UNC13C: variants seen among roughly 807,000 people sequenced by gnomAD.
The protein encoded by UNC13C is protein unc-13 homolog C.
In UNC13C, 174 loss-of-function variants were observed where a neutral mutation model predicts 245.4. The ratio of observed to expected loss-of-function variants is 0.71; its 90% CI spans 0.63 to 0.80. UNC13C has a LOEUF of 0.80. Ranked by LOEUF, UNC13C falls within the 30% of genes least tolerant of loss-of-function variation. UNC13C has a pLI of 0.00. For missense variants in UNC13C, 2,829 were observed against 2,602.9 expected (o/e 1.09, Z -1.89); for synonymous variants, 992 against 895.1 (o/e 1.11, Z -1.93).
At chr15:54,299,721 C>G (rs927082146) in intron 12 of UNC13C, among the ~76,000 whole-genome samples, 1 of 152,116 alleles carries the variant, frequency 6.6e-6, no homozygotes, top group African/African-American at 2.4e-5. Flanking sequence ...GTATCATTTG[C>G]ATCAGGGAGT....
chr15:53,895,530 T>C, the UNC13C span, among the ~76,000 whole-genome samples: 133 of 152,186 alleles, frequency 8.7e-4, no homozygotes, highest in African/African-American at 3.1e-3. Context: ...TTTCAGACTG[T>C]TTTAATAAAC....
At chr15:54,632,045 A>C (rs1221178904), downstream of UNC13C, 1 of 152,202 alleles carries the variant, frequency 6.6e-6, no homozygotes, top group East Asian at 1.9e-4. Flanking sequence ...TATACACAAA[A>C]TAGCATCTCA....
At chr15:54,089,924 G>C (rs1899470797) in intron 2 of UNC13C, among the ~76,000 whole-genome samples, 1 of 152,152 alleles carries the variant, frequency 6.6e-6, no homozygotes, top group South Asian at 2.1e-4. Context: ...CTTCCAATGT[G>C]CTGCTTCGGT....
chr15:54,109,277 TCCCCTCCCCTCCCCTCCCTTC>T (rs1900631639), intron 2 of UNC13C, among the ~76,000 whole-genome samples: 35 of 43,308 alleles, frequency 8.1e-4, no homozygotes, highest in South Asian at 2.7e-3. Flanking sequence ...TCTCCTCCCC[TCCCCTCCCCTCCCCTCCCTTC>T]CCCTCCCCTC....
At chr15:54,050,517 T>C in intron 2 of UNC13C, 2 of 500,916 alleles carry the variant, frequency 4.0e-6, no homozygotes, top group African/African-American at 2.0e-5. Context: ...CAATTGTAAC[T>C]AATGCTGTTG....
the UNC13C span, among the ~76,000 whole-genome samples, chr15:53,950,086 G>A: frequency 1.3e-5 from 2 of 152,060 alleles, no homozygotes; most frequent in Admixed American, 6.5e-5. Flanking sequence ...AGTACATGTT[G>A]GGGGAAAAAT....
chr15:54,392,924 A>C, intron 17 of UNC13C, 124 bp from the exon 18 acceptor site: 1 of 1,149,124 alleles, frequency 8.7e-7, no homozygotes, highest in South Asian at 2.3e-5. Context: ...AACAGCTTTG[A>C]CTCCCATAAT....
chr15:54,511,779 A>C lies in UNC13C; in HGVS notation c.5406A>C (p.Gln1802His). 6.2e-7 allele frequency: 1 copy of C among 1,609,930 alleles called. No individual in the cohort carries two copies. The highest frequency in any genetic ancestry group is 2.2e-5 in the East Asian group (1 of 44,682). ...NVPCILMNNI[Q>H]QLRVQLEKMF... Reference sequence around the variant, plus strand: ...CCTGTATCTTGATGAACAATATTCAACAATTGCGGGTCCAGCTGGAAAAAA... The same window carrying C: ...CCTGTATCTTGATGAACAATATTCACCAATTGCGGGTCCAGCTGGAAAAAA... The change falls in exon 24 of 33, where the codon CAA becomes CAC. Residue 1802 changes from glutamine to histidine, a missense_variant. Gln to His is a conservative substitution (Grantham distance 24). Transcript: ENST00000260323.
intron 26 of UNC13C, among the ~76,000 whole-genome samples, chr15:54,535,309 A>G (rs1443510948): frequency 6.6e-6 from 1 of 152,176 alleles, no homozygotes; most frequent in Non-Finnish European, 1.5e-5. Flanking sequence ...CAATTCAACA[A>G]GACTTAGCTA....
intron 2 of UNC13C, among the ~76,000 whole-genome samples, chr15:54,076,265 C>T (rs111713591): frequency 2.5e-5 from 3 of 121,372 alleles, no homozygotes; most frequent in African/African-American, 9.3e-5. Flanking sequence ...CCCCTCCCCC[C>T]ACCCCACCAC....
Position 54,015,587 on chromosome 15 carries a change from T to C in UNC13C, c.2684T>C (p.Ile895Thr). The C allele has an allele frequency of 6.2e-7, 1 of 1,613,814 alleles. No individual in the cohort carries two copies. The highest frequency in any genetic ancestry group is 2.2e-5 in the East Asian group (1 of 44,854). ...VLAKLENRTS[I>T]TETDEQMQAY... is the part of the protein sequence containing the mutation. The stretch of plus-strand genomic sequence containing the variant: ...GCTAAACTAGAAAACAGGACTAGTA[T>C]TACTGAAACAGATGAACAAATGCAA... Residue 895 changes from isoleucine (I) to threonine (T), a missense_variant, in exon 2 of 33, where the codon ATT becomes ACT. Transcript: ENST00000260323.
At position 53,982,408 on chromosome 15, in the gene UNC13C, T is replaced by C. The variant is rs79173422; in HGVS notation, c.-257+3481T>C. On this transcript the variant is annotated intron_variant, in intron 1 of 32. Transcript: ENST00000260323. The stretch of plus-strand genomic sequence containing the variant: ...AATATAAAAGAAAAAGAGCAGTGAT[T>C]GGACAGAGTGGGTGGCTATTTCCTT... Among the ~76,000 whole-genome samples, 887 of 150,950 alleles carry C rather than the reference T, an allele frequency of 5.9e-3. 13 individuals are homozygous for C. The highest frequency in any genetic ancestry group is 0.021 in the African/African-American group (855 of 41,254).
chr15:54,542,182 A>G (rs1896276233), intron 26 of UNC13C, among the ~76,000 whole-genome samples: 1 of 152,096 alleles, frequency 6.6e-6, no homozygotes, highest in Non-Finnish European at 1.5e-5. Context: ...AAGATATTTT[A>G]CTTTGTGTGC....
chr15:53,937,644 G>A, the UNC13C span, among the ~76,000 whole-genome samples: 1 of 152,102 alleles, frequency 6.6e-6, no homozygotes, highest in Admixed American at 6.5e-5. Flanking sequence ...GAAAGGCCAG[G>A]TCACCTACAA....
At chr15:54,311,712 C>T (rs943535780) in intron 13 of UNC13C, among the ~76,000 whole-genome samples, 9 of 151,652 alleles carry the variant, frequency 5.9e-5, no homozygotes, top group Non-Finnish European at 1.2e-4. Flanking sequence ...GAGGCATGTA[C>T]TCCTAACTAG....
chr15:54,232,529 T>A (rs1391105009), intron 4 of UNC13C, among the ~76,000 whole-genome samples: 1 of 152,120 alleles, frequency 6.6e-6, no homozygotes, highest in East Asian at 1.9e-4. Context: ...AAAATTTGAA[T>A]TAAGTTTCAT....
chr15:54,189,968 G>A (rs865981898), intron 4 of UNC13C, among the ~76,000 whole-genome samples: 20 of 152,174 alleles, frequency 1.3e-4, no homozygotes, highest in African/African-American at 4.8e-4. Context: ...TAGGTCAACA[G>A]TCCTAATTTT....
In UNC13C at chr15:54,626,994, T is replaced by C; in HGVS notation, c.6526T>C (p.Ser2176Pro). 2 of 1,613,466 alleles carry C rather than the reference T, an allele frequency of 1.2e-6. No individual in the cohort carries two copies. Among genetic ancestry groups the C allele is most frequent in the Non-Finnish European group, 1.7e-6 (2 of 1,179,594 alleles). ...ATGGTATCCTCTTCTGAAAAATATC[T>C]CTATGGATGAAACTGGTTTGACTAT... ...GAWYPLLKNI[S>P]MDETGLTILR... The change falls in exon 33 of 33, where the codon TCT becomes CCT. Residue 2176 changes from serine (S) to proline (P), a missense_variant. Ser to Pro is a moderately conservative substitution (Grantham distance 74). Transcript: ENST00000260323.
intron 13 of UNC13C, among the ~76,000 whole-genome samples, chr15:54,318,719 T>C (rs957724775): frequency 3.9e-5 from 6 of 151,952 alleles, no homozygotes; most frequent in Non-Finnish European, 8.8e-5. Flanking sequence ...CTCTTCACTC[T>C]CTTGAGTTTT....
Sources: gnomAD v4.1 joint callset for allele counts (sites outside exome capture counted in the v4.1 genomes callset) on GRCh38, gnomAD v4.1.1 for gene constraint, MANE v1.5 for transcripts, NCBI Gene and HGNC (gene_info 2026-07-23, HGNC 2026-07-21) for gene names.